NAV3: variants seen among roughly 807,000 people sequenced by gnomAD.
The protein encoded by NAV3 is neuron navigator 3, also known as pore membrane and/or filament interacting like protein 1.
NAV3 carries 87 observed loss-of-function variants against 244.7 expected under a neutral mutation model. The observed-to-expected ratio is 0.36, with a 90% CI of 0.30 to 0.42. The LOEUF is 0.42. Ranked by LOEUF, NAV3 falls within the 20% of genes least tolerant of loss-of-function variation. The probability of loss-of-function intolerance (pLI) is 1.00; values close to 1 mark genes in which losing one functional copy is unlikely to be tolerated. For missense variants in NAV3, 2,663 were observed against 2,893.3 expected (o/e 0.92, Z 1.83); for synonymous variants, 1,126 against 1,042.2 (o/e 1.08, Z -1.55).
intron 2 of NAV3, among the ~76,000 whole-genome samples, chr12:77,597,862 A>G (rs1249742401): frequency 6.6e-6 from 1 of 152,100 alleles, no homozygotes; most frequent in African/African-American, 2.4e-5. Context: ...GTAAGCATAC[A>G]GTTTTATGGT....
intron 1 of NAV3, among the ~76,000 whole-genome samples, chr12:77,881,846 T>C (rs1032092198): frequency 2.0e-5 from 3 of 151,910 alleles, no homozygotes; most frequent in African/African-American, 7.3e-5. Flanking sequence ...GAAAATGAAA[T>C]ACCTAAGAAT....
At chr12:78,207,356 A>G (rs1012077973) in intron 39 of NAV3, among the ~76,000 whole-genome samples, 1 of 152,182 alleles carries the variant, frequency 6.6e-6, no homozygotes, top group African/African-American at 2.4e-5. Flanking sequence ...TTAACAACAA[A>G]GAGAATGTTA....
intron 2 of NAV3, among the ~76,000 whole-genome samples, chr12:77,607,274 T>C (rs920891559): frequency 7.9e-5 from 12 of 152,080 alleles, no homozygotes; most frequent in African/African-American, 2.9e-4. Context: ...TTATCTACGC[T>C]ATAATTTAGG....
intron 2 of NAV3, among the ~76,000 whole-genome samples, chr12:77,722,396 C>T (rs1167228631): frequency 3.3e-5 from 5 of 152,022 alleles, no homozygotes; most frequent in Non-Finnish European, 5.9e-5. Context: ...GCAACAGGTA[C>T]TATAAAAATC....
chr12:77,691,789 A>G (rs2137161876), intron 2 of NAV3, among the ~76,000 whole-genome samples: 1 of 151,954 alleles, frequency 6.6e-6, no homozygotes, highest in South Asian at 2.1e-4. Flanking sequence ...CTATTTACAT[A>G]TTGAGGCTCA....
At chr12:78,185,804 G>A in intron 31 of NAV3, 106 bp downstream of exon 31, 3 of 929,462 alleles carry the variant, frequency 3.2e-6, no homozygotes, top group South Asian at 1.6e-5. Context: ...TACAACAATT[G>A]TGGATTGGCA....
chr12:78,155,606 G>T (rs1432458286), intron 22 of NAV3, among the ~76,000 whole-genome samples: 1 of 152,008 alleles, frequency 6.6e-6, no homozygotes, highest in East Asian at 1.9e-4. Flanking sequence ...TTCCACATTG[G>T]TTGAACTAAT....
chr12:78,004,388 G>A (rs1873846976), intron 7 of NAV3, among the ~76,000 whole-genome samples: 1 of 152,084 alleles, frequency 6.6e-6, no homozygotes, highest in African/African-American at 2.4e-5. Context: ...TTGCTATTTG[G>A]GGACCATAGA....
At chr12:77,659,208 C>G (rs978827755) in intron 2 of NAV3, among the ~76,000 whole-genome samples, 1 of 151,480 alleles carries the variant, frequency 6.6e-6, no homozygotes, top group Non-Finnish European at 1.5e-5. Context: ...GCAACCTACT[C>G]GTCTGACAAA....
intron 2 of NAV3, among the ~76,000 whole-genome samples, chr12:77,765,027 G>T (rs1869668614): frequency 6.6e-6 from 1 of 152,218 alleles, no homozygotes; most frequent in South Asian, 2.1e-4. Flanking sequence ...CATTATGAAG[G>T]CTATTAAATT....
At chr12:77,957,174 T>G (rs1407846585) in intron 3 of NAV3, among the ~76,000 whole-genome samples, 1 of 152,264 alleles carries the variant, frequency 6.6e-6, no homozygotes, top group Non-Finnish European at 1.5e-5. Flanking sequence ...TATCATGTTA[T>G]GCCTTGCATT....
intron 1 of NAV3, among the ~76,000 whole-genome samples, chr12:77,832,036 G>T (rs1873800585): frequency 6.6e-6 from 1 of 152,122 alleles, no homozygotes; most frequent in Admixed American, 6.5e-5. Flanking sequence ...AGAACCTATT[G>T]TCATCCATAC....
chr12:77,721,597 T>C (rs1876636275), intron 2 of NAV3, among the ~76,000 whole-genome samples: 1 of 152,094 alleles, frequency 6.6e-6, no homozygotes, highest in East Asian at 1.9e-4. Context: ...TAATCAAAGG[T>C]GAAAAGAATA....
At chr12:77,758,985 C>G (rs910150170) in intron 2 of NAV3, among the ~76,000 whole-genome samples, 23 of 152,266 alleles carry the variant, frequency 1.5e-4, no homozygotes, top group African/African-American at 5.5e-4. Context: ...CATAATTATT[C>G]TTTCAAAGCT....
rs549973376 is a variant in NAV3, at chr12:78,201,072, C to CTTTT, written c.6834+496_6834+499dup. On this transcript the variant is annotated intron_variant, in intron 38 of 39. Transcript: ENST00000397909. ...CTTTCTTTCTTTGTTTCTTCTCCTTCTTTTTTTTTTTTTTTTTTGAGACAG... is the reference window on the plus strand; with the variant it reads ...CTTTCTTTCTTTGTTTCTTCTCCTTCTTTTTTTTTTTTTTTTTTTTTTGAGACAG... 5.6e-3 allele frequency among the ~76,000 whole-genome samples: 507 copies of CTTTT among 90,296 alleles called. 14 individuals carry two copies. The highest frequency in any genetic ancestry group is 0.017 in the African/African-American group (390 of 23,000). 59.2% of individuals were successfully genotyped at this position (90,296 alleles called of 152,430 possible). A position where few individuals can be genotyped will look rare whatever the true frequency, so the allele number is the denominator to read the frequency against.
rs184947245 is a variant in NAV3, at chr12:77,863,443, T to G, written c.243+31739T>G. Among the ~76,000 whole-genome samples the G allele has an allele frequency of 1.4e-4, 21 of 151,966 alleles. No homozygotes were observed. In the East Asian group the frequency reaches 3.9e-3, roughly 28 times the overall value. ...TATAGTCACTATTTGATGGACAAATTTTTGAAGTCTTCATAATTATTTCAG... is the reference window on the plus strand; with the variant it reads ...TATAGTCACTATTTGATGGACAAATGTTTGAAGTCTTCATAATTATTTCAG... On this transcript the variant is annotated intron_variant, in intron 1 of 39. Coordinates refer to ENST00000397909, the MANE Select transcript of NAV3 (RefSeq NM_001024383.2).
intron 20 of NAV3, among the ~76,000 whole-genome samples, chr12:78,142,834 G>A (rs575237469): frequency 6.6e-6 from 1 of 151,300 alleles, no homozygotes; most frequent in South Asian, 2.1e-4. Flanking sequence ...ATGAGAAGGT[G>A]ATATTATTAG....
chr12:78,010,716 G>C (rs1875121815), intron 8 of NAV3: 1 of 151,898 alleles, frequency 6.6e-6, no homozygotes, highest in Admixed American at 6.6e-5. Flanking sequence ...GGTAATTGCT[G>C]TTAATTAGTA....
chr12:77,989,649 C>T (rs547868948), intron 5 of NAV3, among the ~76,000 whole-genome samples: 1 of 152,134 alleles, frequency 6.6e-6, no homozygotes, highest in Non-Finnish European at 1.5e-5. Flanking sequence ...AAATAAAGGA[C>T]AAAAATCATG....
Sources: allele counts gnomAD v4.1 joint callset (sites outside exome capture counted in the v4.1 genomes callset), GRCh38; gene constraint gnomAD v4.1.1; transcripts MANE v1.5; gene names NCBI Gene and HGNC (gene_info 2026-07-23, HGNC 2026-07-21).